Variants in ARL3 observed in about 807,000 individuals in gnomAD.
ARL3 encodes ARF like GTPase 3.
In ARL3, 9 loss-of-function variants were observed where a neutral mutation model predicts 26.0. That is an observed-to-expected ratio of 0.35 (90% CI 0.21 to 0.60). The LOEUF (loss-of-function observed/expected upper bound fraction) is 0.60, where lower values mean the gene tolerates loss of function less well. Ranked by LOEUF, ARL3 falls within the 20% of genes least tolerant of loss-of-function variation. ARL3 has a pLI of 0.78. For missense variants in ARL3, 158 were observed against 215.7 expected (o/e 0.73, Z 1.67); for synonymous variants, 71 against 78.4 (o/e 0.91, Z 0.50).
intron 5 of ARL3, among the ~76,000 whole-genome samples, chr10:102,680,724 C>T (rs1235026974): frequency 6.6e-6 from 1 of 152,136 alleles, no homozygotes; most frequent in Non-Finnish European, 1.5e-5. Context: ...GCTGTGTGGG[C>T]CTGGTTTTTA....
At chr10:102,692,863 G>A (rs1346130011) in intron 3 of ARL3, among the ~76,000 whole-genome samples, 1 of 152,092 alleles carries the variant, frequency 6.6e-6, no homozygotes, top group Non-Finnish European at 1.5e-5. Flanking sequence ...GCGCCCGCCG[G>A]CACGCCCAGC....
chr10:102,702,653 A>G (rs930605191), intron 2 of ARL3, among the ~76,000 whole-genome samples: 1 of 152,176 alleles, frequency 6.6e-6, no homozygotes, highest in Non-Finnish European at 1.5e-5. Context: ...CAAAAACAAA[A>G]ACAAAAAAAC....
intron 3 of ARL3, among the ~76,000 whole-genome samples, chr10:102,695,189 G>A (rs1397103583): frequency 6.6e-6 from 1 of 152,154 alleles, no homozygotes; most frequent in Non-Finnish European, 1.5e-5. Flanking sequence ...GATTTTGATT[G>A]GGATTCTATT....
intron 3 of ARL3, among the ~76,000 whole-genome samples, chr10:102,695,544 A>G (rs542267933): frequency 7.3e-5 from 11 of 151,336 alleles, no homozygotes; most frequent in African/African-American, 2.7e-4. Flanking sequence ...TGTTTTTGAG[A>G]CTTGTTTTTT....
Position 102,673,962 on chromosome 10 carries a change from C to G in ARL3, c.*2932G>C, listed in dbSNP as rs1034152892. On this transcript the variant is annotated 3_prime_UTR_variant, in exon 6 of 6. Coordinates refer to ENST00000260746, the MANE Select transcript of ARL3 (RefSeq NM_004311.4). ...CCCGAGAAGGAAAGGAAAGGGAAAT[C>G]AAAGCAAACTCTGACGGGAATGGAG... 2 of 152,396 alleles carry G rather than the reference C, an allele frequency of 1.3e-5. No homozygotes were observed. Among genetic ancestry groups the G allele is most frequent in the Non-Finnish European group, 2.9e-5 (2 of 68,016 alleles). The allele number at this position is 152,396 out of a possible 1,614,324, so 9.4% of individuals were successfully genotyped here.
At position 102,675,083 on chromosome 10, in the gene ARL3, T is replaced by C. The variant is rs867079409; in HGVS notation, c.*1811A>G. 6.6e-6 allele frequency: 1 copy of C among 152,356 alleles called. No homozygotes were observed. The highest frequency in any genetic ancestry group is 3.4e-3 in the Middle Eastern group (1 of 294). The allele number at this position is 152,356 out of a possible 1,614,324, so 9.4% of individuals were successfully genotyped here. A position where few individuals can be genotyped will look rare whatever the true frequency, so the allele number is the denominator to read the frequency against. On this transcript the variant is annotated 3_prime_UTR_variant, in exon 6 of 6. Coordinates refer to ENST00000260746, the MANE Select transcript of ARL3 (RefSeq NM_004311.4). ...TGCTAGAGCCACATTTGCAGCCTGG[T>C]AGAAGGGGGATTTCTGATTCCTTAT...
chr10:102,691,521 T>C (rs946905297), intron 3 of ARL3, among the ~76,000 whole-genome samples: 11 of 152,186 alleles, frequency 7.2e-5, no homozygotes, highest in African/African-American at 2.4e-4. Flanking sequence ...AGTAACTTCA[T>C]GGACACTGAA....
intron 2 of ARL3, 45 bp downstream of exon 2, chr10:102,705,301 C>T (rs758390784): frequency 1.1e-5 from 16 of 1,509,220 alleles, no homozygotes; most frequent in Non-Finnish European, 1.4e-5. Flanking sequence ...TTGCTATTAT[C>T]GTCTTCCTGT....
At chr10:102,677,084 C>T (rs2064134560) in intron 5 of ARL3, 143 bp from the exon 6 acceptor site, 1 of 856,712 alleles carries the variant, frequency 1.2e-6, no homozygotes, top group East Asian at 2.5e-5. Context: ...CTCAGGGGCC[C>T]ACCTGGGTGA....
intron 3 of ARL3, among the ~76,000 whole-genome samples, chr10:102,698,859 T>C (rs1450474641): frequency 6.6e-6 from 1 of 152,220 alleles, no homozygotes; most frequent in Middle Eastern, 3.2e-3. Context: ...ATTCCCCATC[T>C]TGCTCTTGGC....
At chr10:102,680,794 C>T (rs1036127667) in intron 5 of ARL3, among the ~76,000 whole-genome samples, 6 of 152,130 alleles carry the variant, frequency 3.9e-5, no homozygotes, top group Non-Finnish European at 8.8e-5. Flanking sequence ...GGTGCTCGGA[C>T]CCTTGCTGAG....
intron 5 of ARL3, among the ~76,000 whole-genome samples, chr10:102,677,577 G>C (rs560600563): frequency 6.6e-6 from 1 of 152,308 alleles, no homozygotes; most frequent in African/African-American, 2.4e-5. Context: ...CAATGACCTT[G>C]AAAGCGCCCT....
chr10:102,699,179 C>A (rs2064265090), intron 3 of ARL3, among the ~76,000 whole-genome samples, 194 bp downstream of exon 3: 1 of 152,156 alleles, frequency 6.6e-6, no homozygotes, highest in South Asian at 2.1e-4. Context: ...TACTGAGCGA[C>A]AGCAAAACAT....
At chr10:102,689,336 A>G (rs115155515) in intron 4 of ARL3, among the ~76,000 whole-genome samples, 1,851 of 152,084 alleles carry the variant, frequency 0.012, 34 homozygotes, top group African/African-American at 0.042. Flanking sequence ...GGAGGGGGGA[A>G]AAAAAAACTG....
At chr10:102,684,754 T>C (rs2064173767) in intron 5 of ARL3, among the ~76,000 whole-genome samples, 1 of 151,956 alleles carries the variant, frequency 6.6e-6, no homozygotes, top group Non-Finnish European at 1.5e-5. Context: ...TTCTGCTGCC[T>C]CAGCCTCCCA....
chr10:102,687,697 A>AT (rs1291161021), intron 4 of ARL3, among the ~76,000 whole-genome samples: 2 of 151,410 alleles, frequency 1.3e-5, no homozygotes, highest in African/African-American at 4.9e-5. Context: ...GGAAAAAAAA[A>AT]ATTTTTTTTT....
At chr10:102,714,221 C>A in intron 1 of ARL3, 52 bp downstream of exon 1, 4 of 1,312,982 alleles carry the variant, frequency 3.0e-6, no homozygotes, top group Non-Finnish European at 3.9e-6. Context: ...GGCCTGGGGA[C>A]GGGAGGGGGA....
chr10:102,707,590 C>T (rs1431443345), intron 1 of ARL3, among the ~76,000 whole-genome samples: 2 of 152,186 alleles, frequency 1.3e-5, no homozygotes, highest in Non-Finnish European at 2.9e-5. Flanking sequence ...ATAATTCAAA[C>T]CAGTTTGTTC....
Position 102,686,018 on chromosome 10 carries a change from G to C in ARL3, c.316-17C>G, listed in dbSNP as rs966091093. The C allele has an allele frequency of 1.2e-6, 2 of 1,604,224 alleles. No homozygotes were observed. Among genetic ancestry groups the C allele is most frequent in the African/African-American group, 2.7e-5 (2 of 74,614 alleles). ...CGCTAGTTCCTGGATTTTGAGAAGG[G>C]AGAGGGAGGGAAGGTTAAAATCTAT... On this transcript the variant is annotated splice_polypyrimidine_tract_variant and intron_variant, in intron 4 of 5. Coordinates refer to ENST00000260746, the MANE Select transcript of ARL3 (RefSeq NM_004311.4).
Sources: gnomAD v4.1 joint callset for allele counts (sites outside exome capture counted in the v4.1 genomes callset) on GRCh38, gnomAD v4.1.1 for gene constraint, MANE v1.5 for transcripts, NCBI Gene and HGNC (gene_info 2026-07-23, HGNC 2026-07-21) for gene names.